UBE3D: variants seen among roughly 807,000 people sequenced by gnomAD.
UBE3D encodes the protein ubiquitin protein ligase E3D.
In UBE3D, 48 loss-of-function variants were observed where a neutral mutation model predicts 49.6. The observed-to-expected ratio is 0.97, with a 90% CI of 0.77 to 1.23. UBE3D has a LOEUF of 1.23. UBE3D is among the 50% of genes most tolerant of loss of function. The pLI is 0.00. For synonymous variants in UBE3D, 189 were observed against 174.2 expected (o/e 1.08, Z -0.67); for missense variants, 452 against 468.4 (o/e 0.96, Z 0.32).
intron 8 of UBE3D, among the ~76,000 whole-genome samples, chr6:83,011,467 A>T (rs1780331155): frequency 6.6e-6 from 1 of 152,082 alleles, no homozygotes; most frequent in Non-Finnish European, 1.5e-5. Context: ...GTCCTGCCTG[A>T]ATTGAGCTGT....
At chr6:82,942,699 G>A (rs1417543106) in intron 9 of UBE3D, among the ~76,000 whole-genome samples, 3 of 152,222 alleles carry the variant, frequency 2.0e-5, no homozygotes, top group South Asian at 4.1e-4. Context: ...GTGCACAGTT[G>A]TCAAGAATTG....
At chr6:83,011,918 C>T (rs1780363016) in intron 8 of UBE3D, among the ~76,000 whole-genome samples, 1 of 152,028 alleles carries the variant, frequency 6.6e-6, no homozygotes, top group African/African-American at 2.4e-5. Flanking sequence ...GAAACACTAC[C>T]ATATATTGGA....
intron 9 of UBE3D, among the ~76,000 whole-genome samples, chr6:82,921,558 C>A (rs1272400428): frequency 3.3e-5 from 5 of 152,108 alleles, no homozygotes; most frequent in African/African-American, 1.2e-4. Context: ...AAAAAATCTA[C>A]CTTTTAGAGG....
chr6:82,968,825 G>C (rs1777135085), intron 8 of UBE3D, among the ~76,000 whole-genome samples: 1 of 151,986 alleles, frequency 6.6e-6, no homozygotes, highest in South Asian at 2.1e-4. Context: ...TTGGCTGTTT[G>C]GATTTGCTTT....
In UBE3D at chr6:83,060,045, G is replaced by C. The variant is rs61479018; in HGVS notation, c.78-2023C>G. Among the ~76,000 whole-genome samples the C allele has an allele frequency of 6.9e-3, 1,051 of 152,216 alleles. 16 individuals carry two copies. Among genetic ancestry groups the C allele is most frequent in the African/African-American group, 0.023 (972 of 41,498 alleles). On this transcript the variant is annotated intron_variant, in intron 1 of 9. Coordinates refer to ENST00000369747, the MANE Select transcript of UBE3D (RefSeq NM_198920.3). ...CAGTGCCTCTTCCTCTTCATATAAG[G>C]ACACTAATCTCATCAGGGGGGCCCC... is the stretch of plus-strand genomic sequence containing the variant.
At chr6:83,010,691 G>A (rs1425426833) in intron 8 of UBE3D, among the ~76,000 whole-genome samples, 1 of 152,174 alleles carries the variant, frequency 6.6e-6, no homozygotes, top group Non-Finnish European at 1.5e-5. Context: ...TCCCAAAGCT[G>A]AAGAATTGGA....
chr6:82,998,345 C>T (rs189777306), intron 8 of UBE3D, among the ~76,000 whole-genome samples: 7 of 152,316 alleles, frequency 4.6e-5, no homozygotes, highest in Non-Finnish European at 1.5e-5. Context: ...ATTTTTCAAC[C>T]TTAATGTCTA....
chr6:82,922,173 C>T (rs1773395254), intron 9 of UBE3D, among the ~76,000 whole-genome samples: 1 of 151,998 alleles, frequency 6.6e-6, no homozygotes, highest in Non-Finnish European at 1.5e-5. Context: ...ATGGACAAAT[C>T]CCTAGGAAAA....
intron 8 of UBE3D, among the ~76,000 whole-genome samples, chr6:82,998,054 G>C (rs942218461): frequency 6.6e-6 from 1 of 152,240 alleles, no homozygotes; most frequent in East Asian, 1.9e-4. Flanking sequence ...CAGTGAGGCA[G>C]AGGGTGTCCC....
chr6:82,957,187 T>C, intron 9 of UBE3D, 125 bp downstream of exon 9: 1 of 983,934 alleles, frequency 1.0e-6, no homozygotes, highest in Non-Finnish European at 1.5e-6. Context: ...AATACATGCA[T>C]TATGCTTGTT....
intron 9 of UBE3D, among the ~76,000 whole-genome samples, chr6:82,947,886 A>AT (rs1257140892): frequency 6.6e-6 from 1 of 152,106 alleles, no homozygotes; most frequent in African/African-American, 2.4e-5. Context: ...AGGGAAGTTT[A>AT]TAACTATAAG....
rs752329212 is a variant in UBE3D at position 83,019,050 on chromosome 6, T to C, written c.933A>G (p.Thr311=). Residue 311 remains threonine (T), a synonymous_variant, in exon 8 of 10, where the codon ACA becomes ACG. Transcript: ENST00000369747. ...AGGCAGAACTAGAATCGGCTTTGAATGTGTTTTCCAACAAGGGGAATTTTT... is the reference window on the plus strand; with the variant it reads ...AGGCAGAACTAGAATCGGCTTTGAACGTGTTTTCCAACAAGGGGAATTTTT... The part of the protein sequence containing the change: ...YIKKFPLLEN[T]FKADSSSAWS... 3 of 1,613,944 alleles carry C rather than the reference T, an allele frequency of 1.9e-6. No homozygotes were observed. Among genetic ancestry groups the C allele is most frequent in the Non-Finnish European group, 2.5e-6 (3 of 1,179,974 alleles).
At chr6:83,042,211 G>A (rs1268516924) in intron 4 of UBE3D, among the ~76,000 whole-genome samples, 2 of 152,116 alleles carry the variant, frequency 1.3e-5, no homozygotes, top group East Asian at 1.9e-4. Context: ...CCCGGCCCAA[G>A]ATGCAAAATT....
In UBE3D at chr6:83,044,533, T is replaced by A; in HGVS notation, c.492A>T (p.Gly164=). Residue 164 remains glycine (G), a synonymous_variant, in exon 4 of 10, where the codon GGA becomes GGT. Coordinates refer to ENST00000369747, the MANE Select transcript of UBE3D (RefSeq NM_198920.3). ...TTAAATTCACCAAGAAGAAAGAGTC[T>A]CCAATAAAACAGTCATTCTCTTGCG... ...LHPQENDCFI[G]DSFFLVNLRT... is the part of the protein sequence containing the mutation. 1 of 1,614,114 alleles carries A rather than the reference T, an allele frequency of 6.2e-7. No individual in the cohort carries two copies. Among genetic ancestry groups the A allele is most frequent in the Non-Finnish European group, 8.5e-7 (1 of 1,180,002 alleles).
intron 9 of UBE3D, among the ~76,000 whole-genome samples, chr6:82,915,015 T>C (rs1355075098): frequency 6.6e-6 from 1 of 152,194 alleles, no homozygotes; most frequent in East Asian, 1.9e-4. Context: ...TGCCCACCTT[T>C]TTCTCTTTTA....
Position 83,009,874 on chromosome 6 carries a change from CAA to C in UBE3D, c.1010+9097_1010+9098del, listed in dbSNP as rs1470333202. On this transcript the variant is annotated intron_variant, in intron 8 of 9. Coordinates refer to ENST00000369747, the MANE Select transcript of UBE3D (RefSeq NM_198920.3). ...AAAGAATACTGAGCGAAAAAAATCA[CAA>C]AAAGAGAAAATATCAAATAATACCC... 5.3e-5 allele frequency among the ~76,000 whole-genome samples: 8 copies of C among 150,372 alleles called. No homozygotes were observed. The East Asian group carries it at 1.6e-3, about 30-fold the overall frequency.
chr6:82,888,027 G>T (rs1770919829), downstream of UBE3D, among the ~76,000 whole-genome samples: 1 of 152,078 alleles, frequency 6.6e-6, no homozygotes, highest in African/African-American at 2.4e-5. Context: ...ACCAAAGACT[G>T]GTTCCTTTCT....
chr6:83,031,552 A>G (rs1429068728), intron 5 of UBE3D, among the ~76,000 whole-genome samples: 1 of 152,132 alleles, frequency 6.6e-6, no homozygotes, highest in African/African-American at 2.4e-5. Context: ...ATCATTTTGG[A>G]GCTTTAAGAT....
At chr6:82,999,855 C>T (rs1361153271) in intron 8 of UBE3D, among the ~76,000 whole-genome samples, 1 of 152,178 alleles carries the variant, frequency 6.6e-6, no homozygotes, top group East Asian at 1.9e-4. Context: ...ACCCATTCCA[C>T]CCCAGCTCTC....
Sources: gnomAD v4.1 joint callset for allele counts (sites outside exome capture counted in the v4.1 genomes callset) on GRCh38, gnomAD v4.1.1 for gene constraint, MANE v1.5 for transcripts, NCBI Gene and HGNC (gene_info 2026-07-23, HGNC 2026-07-21) for gene names.